RECK: variants seen among roughly 807,000 people sequenced by gnomAD.
RECK encodes the protein reversion-inducing cysteine-rich protein with Kazal motifs.
A neutral mutation model predicts 115.1 loss-of-function variants in RECK; 69 were observed. The ratio of observed to expected loss-of-function variants is 0.60; its 90% CI spans 0.49 to 0.73. The LOEUF (loss-of-function observed/expected upper bound fraction) is 0.73, where lower values mean the gene tolerates loss of function less well. RECK is among the 30% of genes least tolerant of loss of function. RECK has a pLI of 0.00. For synonymous variants in RECK, 414 were observed against 419.7 expected, an observed-to-expected ratio of 0.99 and a Z score of 0.17; for missense variants, 1,047 against 1,203.7, an observed-to-expected ratio of 0.87 and a Z score of 1.93.
At chr9:36,076,572 A>AC (rs1822458284) in intron 6 of RECK, among the ~76,000 whole-genome samples, 1 of 151,918 alleles carries the variant, frequency 6.6e-6, no homozygotes, top group Non-Finnish European at 1.5e-5. Flanking sequence ...ATCCTAACAC[A>AC]CCCCCACCTA....
rs1476494416 is a variant in RECK at position 36,122,900 on chromosome 9, T to C, written c.2771T>C (p.Val924Ala). The C allele has an allele frequency of 8.1e-6, 13 of 1,614,176 alleles. No individual in the cohort carries two copies. The highest frequency in any genetic ancestry group is 2.2e-5 in the South Asian group (2 of 91,076). Residue 924 changes from valine to alanine, a missense_variant, in exon 21 of 21, where the codon GTC (valine) becomes GCC (alanine). Val to Ala is a moderately conservative substitution (Grantham distance 64). Coordinates refer to ENST00000377966, the MANE Select transcript of RECK (RefSeq NM_021111.3). ...GACAGCCCGACTTTGGCGTCCCATG[T>C]CCCTCTCTCTGCCCTCATCATTTCC... is the stretch of plus-strand genomic sequence containing the variant. Reference protein sequence around the residue: ...NSDSPTLASHVPLSALIISQV... With the variant: ...NSDSPTLASHAPLSALIISQV...
At chr9:36,064,379 A>G (rs574395027) in intron 5 of RECK, among the ~76,000 whole-genome samples, 28 of 152,272 alleles carry the variant, frequency 1.8e-4, no homozygotes, top group Non-Finnish European at 4.0e-4. Flanking sequence ...TTCTGCCCCA[A>G]TTCAGCTTAG....
chr9:36,097,383 C>T lies in RECK; in HGVS notation c.1086-2948C>T, dbSNP rs548426803. ...CAAGAAACTTTCAAAGACCCTTTAC[C>T]GAAGAAGGACATCACAATGGCCATT... On this transcript the variant is annotated intron_variant, in intron 10 of 20. Coordinates refer to ENST00000377966, the MANE Select transcript of RECK (RefSeq NM_021111.3). Among the ~76,000 whole-genome samples, 207 of 151,190 alleles carry T rather than the reference C, an allele frequency of 1.4e-3. 1 individual carries two copies. Among genetic ancestry groups the T allele is most frequent in the African/African-American group, 4.7e-3 (193 of 41,220 alleles).
At chr9:36,105,095 C>T in intron 12 of RECK, 48 bp from the exon 13 acceptor site, 2 of 1,522,236 alleles carry the variant, frequency 1.3e-6, no homozygotes, top group Non-Finnish European at 1.8e-6. Context: ...TTACAGTTTT[C>T]TCTTACTCTT....
At chr9:36,088,655 A>G (rs567966035) in intron 9 of RECK, among the ~76,000 whole-genome samples, 2 of 152,380 alleles carry the variant, frequency 1.3e-5, no homozygotes, top group East Asian at 1.9e-4. Flanking sequence ...ATGGACCTTT[A>G]GCAAAAAATT....
intron 6 of RECK, chr9:36,066,822 G>T: frequency 7.8e-7 from 1 of 1,289,294 alleles, no homozygotes. Flanking sequence ...TTTCTGCATT[G>T]CCCTAGGAAG....
chr9:36,082,152 T>TTTTCTCTCTCTCTCTC (rs1822728935), intron 7 of RECK, among the ~76,000 whole-genome samples: 2 of 113,650 alleles, frequency 1.8e-5, no homozygotes, highest in African/African-American at 6.4e-5. Context: ...CCTCCCTGCT[T>TTTTCTCTCTCTCTCTC]TCTCTCTCTC....
chr9:36,077,858 A>C (rs543483956), intron 6 of RECK, among the ~76,000 whole-genome samples: 32 of 152,180 alleles, frequency 2.1e-4, no homozygotes, highest in African/African-American at 7.5e-4. Flanking sequence ...AGGCTTGGAG[A>C]TCATTCACTC....
chr9:36,060,967 G>T (rs945783867), intron 4 of RECK, among the ~76,000 whole-genome samples: 3 of 152,050 alleles, frequency 2.0e-5, no homozygotes, highest in Non-Finnish European at 4.4e-5. Flanking sequence ...GTTCTTTCTA[G>T]TTCCATTGAC....
chr9:36,076,775 G>A (rs916987750), intron 6 of RECK, among the ~76,000 whole-genome samples: 2 of 152,152 alleles, frequency 1.3e-5, no homozygotes, highest in Non-Finnish European at 2.9e-5. Flanking sequence ...AGAAAATGGT[G>A]ACCTTTTTTG....
At chr9:36,105,070 A>G in intron 12 of RECK, 73 bp from the exon 13 acceptor site, 1 of 1,288,220 alleles carries the variant, frequency 7.8e-7, no homozygotes, top group Non-Finnish European at 1.1e-6. Flanking sequence ...TCCAGCCATA[A>G]TTAATTCAGA....
intron 8 of RECK, among the ~76,000 whole-genome samples, chr9:36,086,763 T>C (rs1822982650): frequency 1.3e-5 from 2 of 152,260 alleles, no homozygotes; most frequent in East Asian, 1.9e-4. Context: ...CCCAGCCGGC[T>C]TCACCTCTCA....
chr9:36,100,345 T>A lies in RECK; in HGVS notation c.1100T>A (p.Phe367Tyr), dbSNP rs965219067. ...TNFNNRPTEL[F>Y]RSCNAQSDQG... ...TTTCTCTTTAGGCCAACAGAACTTT[T>A]CAGGAGTTGTAATGCACAGTCAGAT... The change falls in exon 11 of 21, where the codon TTC (phenylalanine) becomes TAC (tyrosine). Residue 367 changes from phenylalanine (F) to tyrosine (Y), a missense_variant. Physicochemically the swap from Phe to Tyr is conservative, Grantham distance 22. Transcript: ENST00000377966. 6 of 1,614,098 alleles carry A rather than the reference T, an allele frequency of 3.7e-6. No individual in the cohort carries two copies. The Admixed American group carries it at 1.0e-4, about 27-fold the overall frequency.
At chr9:36,078,537 G>A (rs1325694222) in intron 6 of RECK, among the ~76,000 whole-genome samples, 1 of 152,218 alleles carries the variant, frequency 6.6e-6, no homozygotes, top group African/African-American at 2.4e-5. Flanking sequence ...CCAGATGCCA[G>A]TAGCACTCCC....
chr9:36,118,384 C>A (rs1300467869), intron 17 of RECK, among the ~76,000 whole-genome samples: 3 of 152,184 alleles, frequency 2.0e-5, no homozygotes, highest in Admixed American at 1.3e-4. Context: ...ATGATAAGAC[C>A]TCTGCATTTG....
At chr9:36,096,973 C>A (rs57437540) in intron 10 of RECK, among the ~76,000 whole-genome samples, 3,814 of 152,004 alleles carry the variant, frequency 0.025, 172 homozygotes, top group African/African-American at 0.086. Context: ...TGTATCCAGA[C>A]TACATAAATA....
intron 20 of RECK, 81 bp from the exon 21 acceptor site, chr9:36,122,743 G>T: frequency 9.1e-7 from 1 of 1,101,284 alleles, no homozygotes. Context: ...GCTACTTTTA[G>T]GATATACGTG....
chr9:36,107,904 G>A (rs1823884787), intron 13 of RECK, 72 bp from the exon 14 acceptor site: 1 of 1,041,110 alleles, frequency 9.6e-7, no homozygotes, highest in Non-Finnish European at 1.4e-6. Context: ...CTTTTATCAA[G>A]TGTATATCTA....
At chr9:36,066,914 T>C in intron 6 of RECK, 1 of 1,198,466 alleles carries the variant, frequency 8.3e-7, no homozygotes, top group Non-Finnish European at 1.1e-6. Context: ...CTAAGAATAG[T>C]TTACTTTTCC....
Sources: allele counts gnomAD v4.1 joint callset (sites outside exome capture counted in the v4.1 genomes callset), GRCh38; gene constraint gnomAD v4.1.1; transcripts MANE v1.5; gene names NCBI Gene and HGNC (gene_info 2026-07-23, HGNC 2026-07-21).